The following PVT1 variants were observed in gnomAD, a reference collection of about 807,000 sequenced individuals.
PVT1 encodes CXCR4/PVT1 fusion.
At chr8:127,802,890 G>C (rs1163221450) in intron 2 of PVT1, among the ~76,000 whole-genome samples, 2 of 152,132 alleles carry the variant, frequency 1.3e-5, no homozygotes, top group Non-Finnish European at 2.9e-5. Context: ...CCAGAAGCTG[G>C]AAGAGACTCG....
intron 2 of PVT1, among the ~76,000 whole-genome samples, chr8:127,828,528 A>T (rs1033866169): frequency 1.3e-5 from 2 of 152,118 alleles, no homozygotes; most frequent in Non-Finnish European, 2.9e-5. Context: ...TGAAATTTAA[A>T]TGATAAAGCA....
chr8:128,051,118 T>C (rs1037951803), intron 4 of PVT1, among the ~76,000 whole-genome samples: 2 of 152,356 alleles, frequency 1.3e-5, no homozygotes, highest in Middle Eastern at 3.4e-3. Context: ...TGTTCTTTCA[T>C]TGAACGAAAT....
chr8:127,921,327 AT>A (rs1312722512), intron 3 of PVT1, among the ~76,000 whole-genome samples: 3 of 119,542 alleles, frequency 2.5e-5, no homozygotes, highest in African/African-American at 9.4e-5. Flanking sequence ...AGGGAAAGTG[AT>A]TTAAAAATGT....
At chr8:127,960,644 C>T (rs768018972) in intron 3 of PVT1, 3 of 524,996 alleles carry the variant, frequency 5.7e-6, no homozygotes, top group South Asian at 2.9e-5. Context: ...AAGGCCTCTG[C>T]AGGGTTTGCT....
intron 4 of PVT1, among the ~76,000 whole-genome samples, chr8:128,001,381 C>T (rs1373875086): frequency 1.3e-5 from 2 of 151,842 alleles, no homozygotes; most frequent in African/African-American, 4.8e-5. Flanking sequence ...CAAAATAAAC[C>T]AGGGCAGTGC....
chr8:128,006,612 G>C (rs1817250405), intron 4 of PVT1, among the ~76,000 whole-genome samples: 1 of 152,206 alleles, frequency 6.6e-6, no homozygotes, highest in South Asian at 2.1e-4. Context: ...ATTCTTGTCT[G>C]AAACAGTTAT....
intron 4 of PVT1, among the ~76,000 whole-genome samples, chr8:128,019,932 C>T (rs1043688538): frequency 5.3e-5 from 8 of 152,222 alleles, no homozygotes; most frequent in African/African-American, 1.9e-4. Flanking sequence ...GACCTGTAGC[C>T]TAATCAACTC....
chr8:127,868,745 T>A (rs1360471716), intron 2 of PVT1, among the ~76,000 whole-genome samples: 5 of 6,340 alleles, frequency 7.9e-4, no homozygotes, highest in Admixed American at 7.4e-3. Context: ...TAATTTTGCA[T>A]CCTATTATTT....
intron 2 of PVT1, among the ~76,000 whole-genome samples, chr8:127,800,578 A>G (rs896285603): frequency 7.9e-5 from 12 of 152,166 alleles, no homozygotes; most frequent in African/African-American, 2.7e-4. Flanking sequence ...CCTCCCTCAT[A>G]AAATGGCAGC....
At chr8:128,071,997 G>C (rs1814003213) in intron 5 of PVT1, among the ~76,000 whole-genome samples, 1 of 152,288 alleles carries the variant, frequency 6.6e-6, no homozygotes, top group East Asian at 1.9e-4. Flanking sequence ...TGCTCACAGA[G>C]TTAATAAACA....
chr8:127,961,072 T>C (rs541063040), intron 3 of PVT1, among the ~76,000 whole-genome samples: 2 of 150,444 alleles, frequency 1.3e-5, no homozygotes, highest in South Asian at 4.2e-4. Context: ...GGACTTAGGG[T>C]GGTCAGGGGA....
chr8:127,813,255 A>G (rs940010217), intron 2 of PVT1, among the ~76,000 whole-genome samples: 2 of 84,512 alleles, frequency 2.4e-5, no homozygotes, highest in Non-Finnish European at 4.9e-5. Flanking sequence ...ACAAATATAT[A>G]TAATATATAC....
At position 127,951,189 on chromosome 8, in the gene PVT1, C is replaced by G. The variant is rs534736864; in HGVS notation, n.783-37973C>G. ...GGGATTACAGGCGTGAGCCACCATA[C>G]CCTGTGCCCCTGTCTTACTGAAGAG... is the stretch of plus-strand genomic sequence containing the variant. On this transcript the variant is annotated intron_variant and non_coding_transcript_variant, in intron 3 of 10. Transcript: ENST00000651587. Among the ~76,000 whole-genome samples the G allele has an allele frequency of 2.6e-5, 4 of 152,360 alleles. No individual in the cohort carries two copies. In the South Asian group the frequency reaches 8.3e-4, roughly 32 times the overall value.
At chr8:128,058,301 A>G (rs754916560) in intron 4 of PVT1, among the ~76,000 whole-genome samples, 1 of 152,162 alleles carries the variant, frequency 6.6e-6, no homozygotes, top group Non-Finnish European at 1.5e-5. Context: ...TCTTATTATA[A>G]AACAGTACAT....
chr8:128,094,855 C>T (rs1021606007), intron 5 of PVT1, among the ~76,000 whole-genome samples: 1 of 152,202 alleles, frequency 6.6e-6, no homozygotes, highest in African/African-American at 2.4e-5. Context: ...CTCCACCTTC[C>T]TGCTCCAGAG....
intron 2 of PVT1, among the ~76,000 whole-genome samples, chr8:127,877,797 G>A (rs1250218202): frequency 6.6e-6 from 1 of 151,986 alleles, no homozygotes; most frequent in Non-Finnish European, 1.5e-5. Context: ...ATGGTGGCTC[G>A]CACCCGTAGT....
chr8:127,923,478 G>A (rs1563640531), intron 3 of PVT1, among the ~76,000 whole-genome samples: 1 of 152,186 alleles, frequency 6.6e-6, no homozygotes, highest in Admixed American at 6.5e-5. Context: ...TTTGGGGGAG[G>A]CCTCAGAAGG....
At chr8:127,937,185 C>T (rs1816286530) in intron 3 of PVT1, among the ~76,000 whole-genome samples, 1 of 152,192 alleles carries the variant, frequency 6.6e-6, no homozygotes, top group Non-Finnish European at 1.5e-5. Flanking sequence ...ACAGCAGGGG[C>T]AAGGGAACTG....
At chr8:128,019,945 C>A (rs754859071) in intron 4 of PVT1, among the ~76,000 whole-genome samples, 1 of 152,258 alleles carries the variant, frequency 6.6e-6, no homozygotes, top group Non-Finnish European at 1.5e-5. Context: ...ATCAACTCTG[C>A]TGGCAACACA....
Sources: allele counts gnomAD v4.1 joint callset (sites outside exome capture counted in the v4.1 genomes callset), GRCh38; gene constraint gnomAD v4.1.1; transcripts MANE v1.5; gene names NCBI Gene and HGNC (gene_info 2026-07-23, HGNC 2026-07-21).